ZBTB45: variants seen among roughly 807,000 people sequenced by gnomAD.
ZBTB45 encodes the protein zinc finger and BTB domain containing 45.
Under a neutral mutation model 28.4 loss-of-function variants are expected in ZBTB45, and 22 were observed. The ratio of observed to expected loss-of-function variants is 0.77; its 90% CI spans 0.55 to 1.10. The LOEUF is 1.10. Ranked by LOEUF, ZBTB45 falls within the 50% of genes least tolerant of loss-of-function variation. The probability of loss-of-function intolerance (pLI) is 0.00; values close to 1 mark genes in which losing one functional copy is unlikely to be tolerated. For synonymous variants in ZBTB45, 361 were observed against 332.3 expected (o/e 1.09, Z -0.94); for missense variants, 656 against 750.2 (o/e 0.87, Z 1.47).
In ZBTB45 at chr19:58,516,721, C is replaced by T. The variant is rs200338006; in HGVS notation, c.953G>A (p.Arg318His). 2.1e-4 allele frequency: 335 copies of T among 1,601,434 alleles called. No individual in the cohort carries two copies. Among genetic ancestry groups the T allele is most frequent in the Admixed American group, 9.9e-4 (59 of 59,392 alleles). ...CCCTGGGGTCTTCACACCAGGCGGG[C>T]GGGATCCAGACAGTATGCAGTCGGG... ...VQPDCILSGS[R>H]PPGVKTPGPP... Residue 318 changes from arginine to histidine, a missense_variant, in exon 2 of 3, where the codon CGC becomes CAC. Physicochemically the swap from Arg to His is conservative, Grantham distance 29. Around this residue, in one of 3 missense-constraint regions of ZBTB45, gnomAD observed 448 missense variants for 444.3 expected, o/e 1.01. Transcript: ENST00000594051. This position sits in a 1 kb window ranked among gnomAD's most constrained non-coding sequence, Gnocchi z 6.2.
At chr19:58,536,504 G>A (rs550484300) in intron 1 of ZBTB45, among the ~76,000 whole-genome samples, 9 of 147,050 alleles carry the variant, frequency 6.1e-5, no homozygotes, top group Admixed American at 1.4e-4. Flanking sequence ...TTATCCGGGC[G>A]TGGTAGTGGG....
Position 58,516,638 on chromosome 19 carries a change from G to A in ZBTB45, c.1036C>T (p.Pro346Ser), listed in dbSNP as rs759219722. 1 of 1,561,058 alleles carries A rather than the reference G, an allele frequency of 6.4e-7. No homozygotes were observed. ...LGAPGPPAPP[P>S]SAPSGPAPAP... ...GGGGCTGGCCCCGATGGTGCTGAAG[G>A]GGGTGGTGCGGGTGGCCCAGGGGCA... Residue 346 changes from proline (P) to serine (S), a missense_variant, in exon 2 of 3, where the codon CCT becomes TCT. This residue lies in a region of ZBTB45 where 448 missense variants were observed against 444.3 expected (regional missense o/e 1.01). Transcript: ENST00000594051. The surrounding 1 kb of genome is among the most constrained non-coding windows in gnomAD (Gnocchi z 6.2).
At chr19:58,538,183 GC>G (rs1284570598) in intron 1 of ZBTB45, among the ~76,000 whole-genome samples, 1 of 151,746 alleles carries the variant, frequency 6.6e-6, no homozygotes, top group East Asian at 1.9e-4. Context: ...CCTGTGCACT[GC>G]CAGCACCAAC....
At chr19:58,518,147 C>T (rs1411416237) in intron 1 of ZBTB45, among the ~76,000 whole-genome samples, 1 of 152,098 alleles carries the variant, frequency 6.6e-6, no homozygotes, top group Admixed American at 6.6e-5. Context: ...TGCTCTCTAC[C>T]CAGCTAGCTT....
upstream of ZBTB45, among the ~76,000 whole-genome samples, chr19:58,521,366 C>CA (rs1180915172): frequency 0.068 from 6,344 of 93,302 alleles, 279 homozygotes; most frequent in Non-Finnish European, 0.084. Context: ...CACTCAGTCT[C>CA]AAAAAAAAAA....
chr19:58,514,832 C>T (rs1451234191), intron 2 of ZBTB45, among the ~76,000 whole-genome samples: 1 of 152,136 alleles, frequency 6.6e-6, no homozygotes, highest in Non-Finnish European at 1.5e-5. Context: ...CCCCTAAACT[C>T]AGTCTGACAA....
Position 58,517,342 on chromosome 19 carries a change from A to C in ZBTB45, c.332T>G (p.Ile111Arg). Residue 111 changes from isoleucine (I) to arginine (R), a missense_variant, in exon 2 of 3, where the codon ATA becomes AGA. Physicochemically the swap from Ile to Arg is moderately conservative, Grantham distance 97. Coordinates refer to ENST00000594051, the MANE Select transcript of ZBTB45 (RefSeq NM_001316979.2). Reference sequence around the variant, plus strand: ...CGTGCATTCGTCGATAACTGTCTGTATGCGAAGCACTGACGCGGCCGTGAG... The same window carrying C: ...CGTGCATTCGTCGATAACTGTCTGTCTGCGAAGCACTGACGCGGCCGTGAG... ...QVLTAASVLRIQTVIDECTQI... is the reference protein window; with the variant it reads ...QVLTAASVLRRQTVIDECTQI... 1.2e-6 allele frequency: 2 copies of C among 1,611,686 alleles called. No homozygotes were observed. Among genetic ancestry groups the C allele is most frequent in the Non-Finnish European group, 1.7e-6 (2 of 1,179,856 alleles).
At chr19:58,538,499 TG>T (rs992561702) in intron 1 of ZBTB45, among the ~76,000 whole-genome samples, 13 of 151,798 alleles carry the variant, frequency 8.6e-5, no homozygotes, top group African/African-American at 2.7e-4. Flanking sequence ...GGCCCAGATC[TG>T]GGGGGCCGCG....
intron 1 of ZBTB45, among the ~76,000 whole-genome samples, chr19:58,536,672 T>A (rs549126718): frequency 6.6e-6 from 1 of 151,664 alleles, no homozygotes; most frequent in Admixed American, 6.6e-5. Flanking sequence ...AAAAAAGAAA[T>A]TTGAGTGATG....
chr19:58,538,807 T>A (rs545279115), exon 1 of ZBTB45: 1 of 152,250 alleles, frequency 6.6e-6, no homozygotes, highest in African/African-American at 2.4e-5. Flanking sequence ...CCCCAGCCGT[T>A]GTCACCTGGA....
upstream of ZBTB45, among the ~76,000 whole-genome samples, chr19:58,524,433 ATATGTG>A (rs1282123215): frequency 7.2e-4 from 80 of 111,786 alleles, 1 homozygote; most frequent in African/African-American, 1.1e-3. Flanking sequence ...GTGTGTTCAT[ATATGTG>A]TGTGTGTGTG....
chr19:58,536,057 T>C (rs1172380277), intron 1 of ZBTB45, among the ~76,000 whole-genome samples: 1 of 152,026 alleles, frequency 6.6e-6, no homozygotes, highest in Non-Finnish European at 1.5e-5. Flanking sequence ...AGCAGGGCCA[T>C]ACCCTAGAGT....
chr19:58,534,477 A>T (rs1369901717), intron 1 of ZBTB45, among the ~76,000 whole-genome samples: 1 of 150,950 alleles, frequency 6.6e-6, no homozygotes, highest in Non-Finnish European at 1.5e-5. Context: ...GCAACCTCTG[A>T]TTCCTTGGTT....
Position 58,519,777 on chromosome 19 carries a change from G to C in ZBTB45, c.-36C>G, listed in dbSNP as rs1016081341. 2.0e-5 allele frequency: 3 copies of C among 152,568 alleles called. No individual in the cohort carries two copies. Among genetic ancestry groups the C allele is most frequent in the Non-Finnish European group, 4.4e-5 (3 of 68,206 alleles). 9.5% of individuals were successfully genotyped at this position (152,568 alleles called of 1,614,324 possible). A position where few individuals can be genotyped will look rare whatever the true frequency, so the allele number is the denominator to read the frequency against. On this transcript the variant is annotated 5_prime_UTR_variant, in exon 1 of 3. Transcript: ENST00000594051. ...TCTTCAGGCACCAGGCTCTGCCGTG[G>C]CCGCTTCCTCCTGACCGACTACAAG...
chr19:58,526,527 T>TATTATTATTATTATTA (rs775634681), intron 1 of ZBTB45, among the ~76,000 whole-genome samples: 1 of 71,460 alleles, frequency 1.4e-5, no homozygotes, highest in Non-Finnish European at 2.9e-5. Context: ...TTATTATTAT[T>TATTATTATTATTATTA]TTTTTTTTTT....
At position 58,513,939 on chromosome 19, in the gene ZBTB45, C is replaced by T. The variant is rs1164797002; in HGVS notation, c.*115G>A. The stretch of plus-strand genomic sequence containing the variant: ...GAAAGGGTGAAGGGAGAGAGAGGAC[C>T]TGCGCTCAGGAGGGAGCGTGGTCTA... On this transcript the variant is annotated 3_prime_UTR_variant, in exon 3 of 3. Coordinates refer to ENST00000594051, the MANE Select transcript of ZBTB45 (RefSeq NM_001316979.2). The T allele has an allele frequency of 1.3e-5, 16 of 1,254,250 alleles. No individual in the cohort carries two copies. Among genetic ancestry groups the T allele is most frequent in the African/African-American group, 1.6e-5 (1 of 62,782 alleles). 77.7% of individuals were successfully genotyped at this position (1,254,250 alleles called of 1,614,324 possible).
At chr19:58,531,790 T>G (rs1292598077) in intron 1 of ZBTB45, among the ~76,000 whole-genome samples, 2 of 152,198 alleles carry the variant, frequency 1.3e-5, no homozygotes, top group Non-Finnish European at 2.9e-5. Flanking sequence ...GTCACTGTTC[T>G]TTCTGATGCT....
At position 58,528,851 on chromosome 19, in the gene ZBTB45, G is replaced by GC. The variant is rs1600068992; in HGVS notation, c.-1+9849dup. Among the ~76,000 whole-genome samples the GC allele has an allele frequency of 2.0e-5, 3 of 152,062 alleles. No homozygotes were observed. The East Asian group carries it at 5.8e-4, about 29-fold the overall frequency. Reference sequence around the variant, plus strand: ...GGAGGTTGCAGTGAGCTGAGATCGCGCCACTGCACTCCAGCCTGGATGACA... The same window carrying GC: ...GGAGGTTGCAGTGAGCTGAGATCGCGCCCACTGCACTCCAGCCTGGATGACA... On this transcript the variant is annotated intron_variant, in intron 1 of 1. Coordinates refer to the ZBTB45 transcript ENST00000600130.
chr19:58,533,475 A>C (rs2053644520), intron 1 of ZBTB45, among the ~76,000 whole-genome samples: 1 of 152,192 alleles, frequency 6.6e-6, no homozygotes, highest in Admixed American at 6.6e-5. Context: ...GGAGTGATGC[A>C]GTGACAAGCC....
Sources: allele counts gnomAD v4.1 joint callset (sites outside exome capture counted in the v4.1 genomes callset), GRCh38; gene constraint gnomAD v4.1.1; regional missense constraint gnomAD v4.1.1; non-coding constraint Gnocchi (gnomAD v3.1); transcripts MANE v1.5; gene names NCBI Gene and HGNC (gene_info 2026-07-23, HGNC 2026-07-21).